NUP133: variants seen among roughly 807,000 people sequenced by gnomAD.
NUP133 encodes the protein nuclear pore complex protein Nup133.
A neutral mutation model predicts 146.2 loss-of-function variants in NUP133; 66 were observed. That is an observed-to-expected ratio of 0.45 (90% CI 0.37 to 0.55). The LOEUF (loss-of-function observed/expected upper bound fraction) is 0.55, where lower values mean the gene tolerates loss of function less well. Ranked by LOEUF, NUP133 falls within the 20% of genes least tolerant of loss-of-function variation. The probability of loss-of-function intolerance (pLI) is 0.00; values close to 1 mark genes in which losing one functional copy is unlikely to be tolerated. For missense variants in NUP133, 1,277 were observed against 1,374.8 expected, an observed-to-expected ratio of 0.93 and a Z score of 1.12; for synonymous variants, 521 against 498.8, an observed-to-expected ratio of 1.04 and a Z score of -0.59.
At chr1:229,490,257 T>C (rs942963256) in intron 8 of NUP133, among the ~76,000 whole-genome samples, 155 bp from the exon 9 acceptor site, 1 of 152,348 alleles carries the variant, frequency 6.6e-6, no homozygotes, top group Admixed American at 6.5e-5. Context: ...AACCAATAAC[T>C]GTGTTCACAC....
At chr1:229,464,594 T>C in intron 18 of NUP133, 30 bp downstream of exon 18, 1 of 1,608,026 alleles carries the variant, frequency 6.2e-7, no homozygotes, top group Non-Finnish European at 8.5e-7. Context: ...TCAGCAAATT[T>C]AAAACTCTTG....
chr1:229,462,071 A>C (rs567633957), intron 19 of NUP133, among the ~76,000 whole-genome samples: 31 of 152,164 alleles, frequency 2.0e-4, no homozygotes, highest in Non-Finnish European at 4.4e-4. Flanking sequence ...TTTAGAAGAG[A>C]CGGGGTTTTG....
At chr1:229,474,587 C>T (rs1661031807) in intron 14 of NUP133, among the ~76,000 whole-genome samples, 1 of 152,102 alleles carries the variant, frequency 6.6e-6, no homozygotes, top group Admixed American at 6.5e-5. Context: ...CCACTGTCCA[C>T]AGTGGCTATT....
chr1:229,503,738 T>A (rs1440884166), intron 2 of NUP133, among the ~76,000 whole-genome samples: 2 of 152,232 alleles, frequency 1.3e-5, no homozygotes, highest in African/African-American at 4.8e-5. Context: ...CAACTCCAGA[T>A]CCTCGACCGG....
intron 6 of NUP133, among the ~76,000 whole-genome samples, chr1:229,497,781 T>C (rs568645435): frequency 6.6e-6 from 1 of 152,328 alleles, no homozygotes; most frequent in East Asian, 1.9e-4. Context: ...CAGATCTAGA[T>C]TTCAGTCATC....
rs1421426687 is a variant in NUP133 at position 229,508,119 on chromosome 1, C to G, written c.131G>C (p.Ser44Thr). ...GACCGGCGAGAAGAGCACTGGGGAGCTGACTGCAGACCCCAGGGGCAGACC... is the reference window on the plus strand; with the variant it reads ...GACCGGCGAGAAGAGCACTGGGGAGGTGACTGCAGACCCCAGGGGCAGACC... The part of the protein sequence containing the change: ...RKGLPLGSAV[S>T]SPVLFSPVGR... Residue 44 changes from serine (S) to threonine (T), a missense_variant, in exon 1 of 26, where the codon AGC becomes ACC. Physicochemically the swap from Ser to Thr is moderately conservative, Grantham distance 58. Coordinates refer to ENST00000261396, the MANE Select transcript of NUP133 (RefSeq NM_018230.3). 1.3e-6 allele frequency: 2 copies of G among 1,573,196 alleles called. No homozygotes were observed. Among genetic ancestry groups the G allele is most frequent in the African/African-American group, 2.8e-5 (2 of 72,404 alleles).
At position 229,464,766 on chromosome 1, in the gene NUP133, C is replaced by T; in HGVS notation, c.2409G>A (p.Glu803=). 2.5e-6 allele frequency: 4 copies of T among 1,614,190 alleles called. No homozygotes were observed. The highest frequency in any genetic ancestry group is 3.4e-6 in the Non-Finnish European group (4 of 1,180,040). The part of the protein sequence containing the change: ...ADSNLRNIVT[E]QLVALIDCFL... The stretch of plus-strand genomic sequence containing the variant: ...AGCAATCGATCAGGGCTACCAGCTG[C>T]TCGGTCACGATGTTTCGGAGGTTGC... The change falls in exon 18 of 26, where the codon GAG becomes GAA. Residue 803 remains glutamate, a synonymous_variant. Coordinates refer to ENST00000261396, the MANE Select transcript of NUP133 (RefSeq NM_018230.3).
At position 229,465,389 on chromosome 1, in the gene NUP133, T is replaced by G. The variant is rs761603576; in HGVS notation, c.2299+31A>C. The G allele has an allele frequency of 1.3e-5, 19 of 1,486,840 alleles. 1 individual carries two copies. In the East Asian group the frequency reaches 3.8e-4, roughly 30 times the overall value. 92.1% of individuals were successfully genotyped at this position (1,486,840 alleles called of 1,614,324 possible). A position where few individuals can be genotyped will look rare whatever the true frequency, so the allele number is the denominator to read the frequency against. On this transcript the variant is annotated intron_variant, in intron 17 of 25. Transcript: ENST00000261396. ...AATGATGGGTCATTAGAAATATATTTTGAACAACTGTTAATAAATCAGTAT... is the reference window on the plus strand; with the variant it reads ...AATGATGGGTCATTAGAAATATATTGTGAACAACTGTTAATAAATCAGTAT...
intron 23 of NUP133, among the ~76,000 whole-genome samples, chr1:229,449,461 T>G (rs769738531): frequency 2.0e-5 from 3 of 150,772 alleles, no homozygotes; most frequent in Non-Finnish European, 3.0e-5. Flanking sequence ...TCTGCCTCCC[T>G]AGTTCAAGCA....
In NUP133 at chr1:229,467,494, C is replaced by A. The variant is rs138960607; in HGVS notation, c.2077-738G>T. 8.6e-3 allele frequency among the ~76,000 whole-genome samples: 1,307 copies of A among 152,300 alleles called. 19 individuals carry two copies. Among genetic ancestry groups the A allele is most frequent in the Non-Finnish European group, 1.0e-2 (679 of 68,034 alleles). ...AAACATGACCCAAACAAAATCCCTC[C>A]CTTTTGCAAACCTTGTTCTTCCTTT... On this transcript the variant is annotated intron_variant, in intron 15 of 25. Transcript: ENST00000261396.
rs1476772276 is a variant in NUP133, at chr1:229,441,672, C to T, written c.*232G>A. On this transcript the variant is annotated 3_prime_UTR_variant, in exon 26 of 26. Transcript: ENST00000261396. The stretch of plus-strand genomic sequence containing the variant: ...CACGTGAGAGTAAAAAGAAAGGGCA[C>T]CGAGTACAGGAACAACAACTGACAC... 5 of 414,300 alleles carry T rather than the reference C, an allele frequency of 1.2e-5. No homozygotes were observed. Among genetic ancestry groups the T allele is most frequent in the Non-Finnish European group, 8.8e-6 (2 of 227,196 alleles). 25.7% of individuals were successfully genotyped at this position (414,300 alleles called of 1,614,324 possible). A position where few individuals can be genotyped will look rare whatever the true frequency, so the allele number is the denominator to read the frequency against.
At chr1:229,473,381 C>T (rs760738076) in intron 14 of NUP133, among the ~76,000 whole-genome samples, 18 of 152,116 alleles carry the variant, frequency 1.2e-4, no homozygotes, top group Non-Finnish European at 1.8e-4. Flanking sequence ...AAAGGCATGG[C>T]TGGAATGGGG....
At chr1:229,475,491 T>C in intron 14 of NUP133, 147 bp downstream of exon 14, 1 of 573,124 alleles carries the variant, frequency 1.7e-6, no homozygotes, top group Admixed American at 3.0e-5. Flanking sequence ...GCCCTGGAAT[T>C]ACGGACTTTT....
At chr1:229,492,858 A>T (rs775127964) in intron 8 of NUP133, among the ~76,000 whole-genome samples, 2 of 151,994 alleles carry the variant, frequency 1.3e-5, no homozygotes, top group Non-Finnish European at 2.9e-5. Flanking sequence ...AGAAATCACC[A>T]CTAAAGAACT....
rs773920076 is a variant in NUP133, at chr1:229,450,657, TAG to T, written c.3100-54_3100-53del. The T allele has an allele frequency of 4.7e-6, 4 of 854,456 alleles. No homozygotes were observed. The African/African-American group carries it at 6.9e-5, about 15-fold the overall frequency. The allele number at this position is 854,456 out of a possible 1,614,324, so 52.9% of individuals were successfully genotyped here. A position where few individuals can be genotyped will look rare whatever the true frequency, so the allele number is the denominator to read the frequency against. On this transcript the variant is annotated intron_variant, in intron 22 of 25. Transcript: ENST00000261396. ...GATTATACAATCATGTAACTAATAC[TAG>T]AGACATTTATGGAGAAAAGAAGTCA...
rs200183017 is a variant in NUP133, at chr1:229,508,058, G to A, written c.182+10C>T. 2.0e-6 allele frequency: 3 copies of A among 1,480,232 alleles called. No homozygotes were observed. The highest frequency in any genetic ancestry group is 2.7e-6 in the Non-Finnish European group (3 of 1,112,196). 91.7% of individuals were successfully genotyped at this position (1,480,232 alleles called of 1,614,324 possible). On this transcript the variant is annotated intron_variant, in intron 1 of 25. Coordinates refer to ENST00000261396, the MANE Select transcript of NUP133 (RefSeq NM_018230.3). ...GTTGGTTGCCAGACCCAACCAGGGA[G>A]ATCACTTACCGCGAGCTTAGCGAGC...
intron 19 of NUP133, 48 bp downstream of exon 19, chr1:229,463,495 G>C: frequency 6.4e-7 from 1 of 1,557,354 alleles, no homozygotes; most frequent in Non-Finnish European, 8.6e-7. Flanking sequence ...GCCATTTCAA[G>C]AAAAGGCAAC....
Position 229,496,047 on chromosome 1 carries a change from G to A in NUP133, c.820C>T (p.Leu274Phe). The change falls in exon 7 of 26, where the codon CTT (leucine) becomes TTT (phenylalanine). Residue 274 changes from leucine (L) to phenylalanine (F), a missense_variant and splice_region_variant. Coordinates refer to ENST00000261396, the MANE Select transcript of NUP133 (RefSeq NM_018230.3). The stretch of plus-strand genomic sequence containing the variant: ...TCTCTATCCCAGAGAACACTTGAAA[G>A]CTATTCAGAAAAGAAAAGGAAGTCA... ...GILSPSSDLT[L>F]SSVLWDRERS... 1 of 1,561,464 alleles carries A rather than the reference G, an allele frequency of 6.4e-7. No homozygotes were observed. The highest frequency in any genetic ancestry group is 8.6e-7 in the Non-Finnish European group (1 of 1,160,428).
chr1:229,450,819 A>G (rs1660432874), intron 22 of NUP133: 1 of 249,156 alleles, frequency 4.0e-6, no homozygotes, highest in Non-Finnish European at 7.7e-6. Flanking sequence ...TCTGCCTCCC[A>G]GGTTCAAGTG....
Sources: allele counts gnomAD v4.1 joint callset (sites outside exome capture counted in the v4.1 genomes callset), GRCh38; gene constraint gnomAD v4.1.1; transcripts MANE v1.5; gene names NCBI Gene and HGNC (gene_info 2026-07-23, HGNC 2026-07-21).